IGSF21: variants seen among roughly 807,000 people sequenced by gnomAD.
IGSF21 encodes immunoglobulin superfamily member 21.
Under a neutral mutation model 46.8 loss-of-function variants are expected in IGSF21, and 28 were observed. The ratio of observed to expected loss-of-function variants is 0.60; its 90% confidence interval spans 0.44 to 0.82. The LOEUF (loss-of-function observed/expected upper bound fraction) is 0.82. Among genes scored for constraint, IGSF21 ranks in the 40% least tolerant of loss-of-function variants. IGSF21 has a pLI of 0.00. For missense variants in IGSF21, 624 were observed against 665.5 expected (o/e 0.94, Z 0.69); for synonymous variants, 284 against 273.6 (o/e 1.04, Z -0.38).
At position 18,334,925 on chromosome 1, in the gene IGSF21, C is replaced by A. The variant is rs763940728; in HGVS notation, c.339C>A (p.Pro113=). 1 of 1,614,164 alleles carries A rather than the reference C, an allele frequency of 6.2e-7. No homozygotes were observed. The highest frequency in any genetic ancestry group is 1.7e-5 in the Admixed American group (1 of 60,032). The change falls in exon 4 of 10, where the codon CCC becomes CCA. Residue 113 remains proline (P), a synonymous_variant. Transcript: ENST00000251296. The surrounding 1 kb of genome is among the most constrained non-coding windows in gnomAD (Gnocchi z 4.3). ...LPEVRISDNG[P]YECHVGIYDR... is the part of the protein sequence containing the mutation. ...AGGTCCGGATCTCAGACAATGGTCC[C>A]TATGAGTGCCATGTGGGCATCTACG...
intron 4 of IGSF21, among the ~76,000 whole-genome samples, chr1:18,358,076 G>A (rs1443274411): frequency 1.3e-5 from 2 of 152,106 alleles, no homozygotes; most frequent in Middle Eastern, 3.4e-3. Flanking sequence ...AATGTTTAGG[G>A]GGGTGAAGGG....
Position 18,334,365 on chromosome 1 carries a change from C to T in IGSF21, c.306-527C>T, listed in dbSNP as rs545561537. ...GACTGGGCATGAAGTGGCAGCATGG[C>T]GGCATGGAGAGAGAAATTCAAATTT... is the stretch of plus-strand genomic sequence containing the variant. On this transcript the variant is annotated intron_variant, in intron 3 of 9. Transcript: ENST00000251296. The surrounding 1 kb of genome is among the most constrained non-coding windows in gnomAD (Gnocchi z 4.3). 6.6e-5 allele frequency among the ~76,000 whole-genome samples: 10 copies of T among 152,224 alleles called. No homozygotes were observed. In the East Asian group the frequency reaches 1.4e-3, roughly 21 times the overall value.
chr1:18,277,303 G>A (rs955410339), intron 2 of IGSF21, among the ~76,000 whole-genome samples: 4 of 152,196 alleles, frequency 2.6e-5, no homozygotes, highest in Non-Finnish European at 4.4e-5. Flanking sequence ...CCCGTGGGGT[G>A]GTTGCAAGGA....
rs2084586487 is a variant in IGSF21, at chr1:18,228,017, C to T, written c.183+7C>T. ...GGAGATCGTGTGGTACCGGGTAAGT[C>T]ACTACTACTGCCCCCTTCATGCCCA... On this transcript the variant is annotated splice_region_variant and intron_variant, in intron 2 of 9. Transcript: ENST00000251296. 1 of 1,600,322 alleles carries T rather than the reference C, an allele frequency of 6.2e-7. No homozygotes were observed. Among genetic ancestry groups the T allele is most frequent in the African/African-American group, 1.3e-5 (1 of 74,696 alleles).
chr1:18,321,764 A>G (rs1335193363), intron 3 of IGSF21, among the ~76,000 whole-genome samples: 2 of 152,244 alleles, frequency 1.3e-5, no homozygotes, highest in Middle Eastern at 3.4e-3. Flanking sequence ...AGGTTTCAAT[A>G]TCTGAATTTG....
intron 2 of IGSF21, among the ~76,000 whole-genome samples, chr1:18,284,819 C>A (rs1569723802): frequency 6.6e-6 from 1 of 152,234 alleles, no homozygotes; most frequent in East Asian, 1.9e-4. Flanking sequence ...GGATTGGAAG[C>A]TGTGCTGGGC....
chr1:18,173,391 G>A (rs1356167417), intron 1 of IGSF21, among the ~76,000 whole-genome samples: 4 of 152,174 alleles, frequency 2.6e-5, no homozygotes, highest in Non-Finnish European at 4.4e-5. Flanking sequence ...TTTGACAAAT[G>A]TATGCAGTTG....
intron 3 of IGSF21, among the ~76,000 whole-genome samples, chr1:18,320,851 G>T (rs142817241): frequency 6.6e-6 from 1 of 152,278 alleles, no homozygotes; most frequent in Admixed American, 6.5e-5. Context: ...GATCTCAATG[G>T]GTGGTTGTAG....
intron 1 of IGSF21, among the ~76,000 whole-genome samples, chr1:18,181,197 G>A (rs2086854646): frequency 6.6e-6 from 1 of 152,204 alleles, no homozygotes; most frequent in South Asian, 2.1e-4. Flanking sequence ...CGGCGGATGT[G>A]TTCTGGCATC....
At chr1:18,190,224 C>T (rs2086942099) in intron 1 of IGSF21, among the ~76,000 whole-genome samples, 1 of 152,252 alleles carries the variant, frequency 6.6e-6, no homozygotes, top group Admixed American at 6.5e-5. Flanking sequence ...TCAGAGCTCC[C>T]AGTGGATCCA....
At chr1:18,150,412 G>T (rs1206428512) in intron 1 of IGSF21, among the ~76,000 whole-genome samples, 1 of 152,128 alleles carries the variant, frequency 6.6e-6, no homozygotes, top group African/African-American at 2.4e-5. Context: ...GCATGGCGGG[G>T]GGGGTCTCAG....
chr1:18,113,786 C>T (rs1298328909), intron 1 of IGSF21: 1 of 151,970 alleles, frequency 6.6e-6, no homozygotes, highest in Non-Finnish European at 1.5e-5. Context: ...TGTTGGTTTC[C>T]TGAGACTGAT....
chr1:18,367,089 A>C (rs2086174329), intron 6 of IGSF21, among the ~76,000 whole-genome samples: 1 of 151,672 alleles, frequency 6.6e-6, no homozygotes, highest in Non-Finnish European at 1.5e-5. Flanking sequence ...ATACTCCAAA[A>C]CTCCTGTAGT....
chr1:18,357,728 T>C (rs530473491), intron 4 of IGSF21, among the ~76,000 whole-genome samples: 1 of 152,198 alleles, frequency 6.6e-6, no homozygotes, highest in South Asian at 2.1e-4. Context: ...CAGGGACTCC[T>C]GGATGGAGAC....
intron 2 of IGSF21, among the ~76,000 whole-genome samples, chr1:18,283,791 C>T (rs2085186166): frequency 6.6e-6 from 1 of 152,150 alleles, no homozygotes; most frequent in Non-Finnish European, 1.5e-5. Flanking sequence ...GAATCAGACC[C>T]ATGTTCAAAG....
intron 1 of IGSF21, among the ~76,000 whole-genome samples, chr1:18,154,972 G>T (rs994930870): frequency 6.6e-6 from 1 of 152,010 alleles, no homozygotes; most frequent in East Asian, 2.0e-4. Context: ...GGGAGCAGGG[G>T]CTAGGCAAAT....
intron 1 of IGSF21, among the ~76,000 whole-genome samples, chr1:18,165,636 A>T (rs1414812289): frequency 6.6e-6 from 1 of 152,214 alleles, no homozygotes; most frequent in Non-Finnish European, 1.5e-5. Context: ...AAGAATAAAT[A>T]GTAACTTCTC....
intron 4 of IGSF21, among the ~76,000 whole-genome samples, chr1:18,345,291 A>G (rs937694431): frequency 6.6e-6 from 1 of 152,236 alleles, no homozygotes; most frequent in African/African-American, 2.4e-5. Flanking sequence ...TAGAGAGTTG[A>G]GGAGTGGCTA....
intron 1 of IGSF21, among the ~76,000 whole-genome samples, chr1:18,222,564 A>T (rs1276115497): frequency 1.3e-5 from 2 of 152,132 alleles, no homozygotes; most frequent in African/African-American, 4.8e-5. Context: ...GGACCCTGTG[A>T]TTATTCCTGC....
Sources: allele counts gnomAD v4.1 joint callset (sites outside exome capture counted in the v4.1 genomes callset), GRCh38; gene constraint gnomAD v4.1.1; non-coding constraint Gnocchi (gnomAD v3.1); transcripts MANE v1.5; gene names NCBI Gene and HGNC (gene_info 2026-07-23, HGNC 2026-07-21).